Variants in SFI1 observed in about 807,000 individuals in gnomAD.
SFI1 encodes protein SFI1 homolog.
Under a neutral mutation model 207.5 loss-of-function variants are expected in SFI1, and 195 were observed. That is an observed-to-expected ratio of 0.94 (90% CI 0.84 to 1.06). SFI1 has a LOEUF of 1.06. Among genes scored for constraint, SFI1 ranks in the 50% least tolerant of loss-of-function variants. The pLI, the probability that SFI1 is intolerant of heterozygous loss-of-function variation, is 0.00. For missense variants in SFI1, 1,634 were observed against 1,588.0 expected (o/e 1.03, Z -0.49); for synonymous variants, 630 against 598.9 (o/e 1.05, Z -0.76).
intron 4 of SFI1, among the ~76,000 whole-genome samples, chr22:31,546,279 C>G (rs897330849): frequency 6.6e-6 from 1 of 152,050 alleles, no homozygotes; most frequent in African/African-American, 2.4e-5. Context: ...GTTGGTATTA[C>G]AGGCATGAGC....
chr22:31,602,904 T>A, intron 17 of SFI1, 119 bp downstream of exon 17: 1 of 1,186,592 alleles, frequency 8.4e-7, no homozygotes, highest in Non-Finnish European at 1.2e-6. Context: ...ACTCTGGTTG[T>A]AAGTTCTGGA....
chr22:31,566,989 TCCA>T (rs2062380170), intron 8 of SFI1, among the ~76,000 whole-genome samples: 1 of 152,070 alleles, frequency 6.6e-6, no homozygotes, highest in Non-Finnish European at 1.5e-5. Flanking sequence ...CACTGCAAGC[TCCA>T]CCTCCTGGGT....
intron 8 of SFI1, among the ~76,000 whole-genome samples, chr22:31,563,312 C>A (rs946655238): frequency 1.3e-5 from 2 of 151,702 alleles, no homozygotes; most frequent in African/African-American, 2.4e-5. Context: ...ATCATAATCA[C>A]CATGCAGTAT....
chr22:31,596,002 C>A (rs1192424665), intron 15 of SFI1, among the ~76,000 whole-genome samples: 1 of 152,126 alleles, frequency 6.6e-6, no homozygotes, highest in African/African-American at 2.4e-5. Context: ...CCTGTAATCC[C>A]AGCACTTTGG....
chr22:31,594,999 T>G (rs2066884026), intron 15 of SFI1, among the ~76,000 whole-genome samples: 2 of 151,938 alleles, frequency 1.3e-5, no homozygotes, highest in African/African-American at 4.8e-5. Context: ...ATTTATTTAT[T>G]TATTTATTTA....
chr22:31,553,195 G>A (rs993092842), intron 6 of SFI1, among the ~76,000 whole-genome samples: 2 of 152,076 alleles, frequency 1.3e-5, no homozygotes, highest in Non-Finnish European at 2.9e-5. Context: ...TCTCATTGTG[G>A]TTTTAGTTTG....
At chr22:31,499,619 T>C (rs1163834957) in intron 1 of SFI1, among the ~76,000 whole-genome samples, 3 of 152,188 alleles carry the variant, frequency 2.0e-5, no homozygotes, top group Non-Finnish European at 4.4e-5. Context: ...TGAAAGATGT[T>C]CTACTGTGGG....
In SFI1 at chr22:31,613,339, C is replaced by G. The variant is rs1233176958; in HGVS notation, c.2566-15C>G. 1.9e-6 allele frequency: 3 copies of G among 1,604,140 alleles called. No individual in the cohort carries two copies. The highest frequency in any genetic ancestry group is 2.6e-6 in the Non-Finnish European group (3 of 1,173,750). ...AGCAGGGAGACCTGGGCCTCACCTCCTGCCCTCCCTGGAGGTGTGGGCCAC... is the reference window on the plus strand; with the variant it reads ...AGCAGGGAGACCTGGGCCTCACCTCGTGCCCTCCCTGGAGGTGTGGGCCAC... On this transcript the variant is annotated splice_polypyrimidine_tract_variant and intron_variant, in intron 25 of 32. Transcript: ENST00000400288.
At chr22:31,535,777 G>A (rs914889363) in intron 4 of SFI1, among the ~76,000 whole-genome samples, 2 of 151,918 alleles carry the variant, frequency 1.3e-5, no homozygotes, top group Admixed American at 1.3e-4. Context: ...ACGAGGTCTC[G>A]CTGTATTGCC....
chr22:31,510,285 C>T (rs1256035488), intron 2 of SFI1, among the ~76,000 whole-genome samples: 6 of 151,838 alleles, frequency 4.0e-5, no homozygotes. Context: ...GTTTCTAACT[C>T]CTGGGCTCAG....
intron 4 of SFI1, among the ~76,000 whole-genome samples, chr22:31,544,818 AT>A (rs2059919306): frequency 6.6e-6 from 1 of 152,274 alleles, no homozygotes; most frequent in East Asian, 1.9e-4. Context: ...ATATTAAAAA[AT>A]TTTTAACCTC....
intron 12 of SFI1, among the ~76,000 whole-genome samples, chr22:31,583,584 A>T (rs1365755414): frequency 1.3e-5 from 2 of 152,222 alleles, no homozygotes; most frequent in Non-Finnish European, 2.9e-5. Context: ...ATGCATTAAA[A>T]TCAGTTTTAA....
chr22:31,588,108 G>A (rs763867647), intron 14 of SFI1, among the ~76,000 whole-genome samples: 1 of 152,154 alleles, frequency 6.6e-6, no homozygotes, highest in African/African-American at 2.4e-5. Flanking sequence ...GGGAATGGTT[G>A]GTTTCTGCTC....
At chr22:31,584,962 C>A in intron 13 of SFI1, 106 bp from the exon 14 acceptor site, 1 of 777,350 alleles carries the variant, frequency 1.3e-6, no homozygotes, top group Non-Finnish European at 2.1e-6. Context: ...CTAGTAAGCC[C>A]ATGGGGTGCC....
At chr22:31,580,670 G>A (rs1274595145) in intron 12 of SFI1, among the ~76,000 whole-genome samples, 1 of 150,988 alleles carries the variant, frequency 6.6e-6, no homozygotes, top group African/African-American at 2.4e-5. Flanking sequence ...AGCCTCTTGA[G>A]TAGCTGGGAT....
chr22:31,547,987 G>A (rs1311916329), intron 5 of SFI1, among the ~76,000 whole-genome samples: 2 of 151,168 alleles, frequency 1.3e-5, no homozygotes, highest in Non-Finnish European at 3.0e-5. Flanking sequence ...GGCCGAGATG[G>A]GCGGATCACG....
chr22:31,610,970 C>G (rs1020943742), intron 22 of SFI1, among the ~76,000 whole-genome samples, 173 bp from the exon 23 acceptor site: 4 of 152,230 alleles, frequency 2.6e-5, no homozygotes, highest in Non-Finnish European at 5.9e-5. Flanking sequence ...GCAAAGGTGG[C>G]CAGAGCTGTC....
At chr22:31,596,783 C>CAA (rs11427119) in intron 15 of SFI1, among the ~76,000 whole-genome samples, 1,169 of 111,528 alleles carry the variant, frequency 0.01, 132 homozygotes, top group Admixed American at 0.053. Context: ...GATTCCATCT[C>CAA]AAAAAAAAAA....
rs373069711 is a variant in SFI1, at chr22:31,508,254, G to A, written c.-30-1G>A. 71 of 1,471,804 alleles carry A rather than the reference G, an allele frequency of 4.8e-5. No individual in the cohort carries two copies. The highest frequency in any genetic ancestry group is 6.3e-5 in the Non-Finnish European group (66 of 1,051,638). 91.2% of individuals were successfully genotyped at this position (1,471,804 alleles called of 1,614,324 possible). A position where few individuals can be genotyped will look rare whatever the true frequency, so the allele number is the denominator to read the frequency against. On this transcript the variant is annotated splice_acceptor_variant, in intron 1 of 32. Transcript: ENST00000400288. LOFTEE classifies it low-confidence loss of function (5UTR_SPLICE). ...TCTTTTTTATTCTCTTTTTCTTGTA[G>A]TTAGAAGGGGAAGATAAAAGACTTT... is the stretch of plus-strand genomic sequence containing the variant.
Sources: allele counts gnomAD v4.1 joint callset (sites outside exome capture counted in the v4.1 genomes callset), GRCh38; gene constraint gnomAD v4.1.1; transcripts MANE v1.5; gene names NCBI Gene and HGNC (gene_info 2026-07-23, HGNC 2026-07-21).